ORC6: variants seen among roughly 807,000 people sequenced by gnomAD.
ORC6 encodes the protein origin recognition complex subunit 6, also known as origin recognition complex, subunit 6 homolog-like (yeast).
A neutral mutation model predicts 30.0 loss-of-function variants in ORC6; 31 were observed. The observed-to-expected ratio is 1.03, with a 90% CI of 0.78 to 1.40. The LOEUF (loss-of-function observed/expected upper bound fraction) is 1.40, where lower values mean the gene tolerates loss of function less well. Among genes scored for constraint, ORC6 ranks in the 40% most tolerant of loss-of-function variants. The pLI, the probability that ORC6 is intolerant of heterozygous loss-of-function variation, is 0.00. For missense variants in ORC6, 340 were observed against 304.3 expected (o/e 1.12, Z -0.87); for synonymous variants, 136 against 111.2 (o/e 1.22, Z -1.40).
chr16:46,697,502 G>A lies in ORC6; in HGVS notation c.676G>A (p.Glu226Lys). The change falls in exon 7 of 7, where the codon GAA becomes AAA. Residue 226 changes from glutamate to lysine, a missense_variant. Transcript: ENST00000219097. ...EEMPHKPQKD[E>K]DLTQDYEEWK... is the part of the protein sequence containing the mutation. ...GATGCCACATAAACCACAGAAAGATGAAGATCTGACACAGGATTATGAAGA... is the reference window on the plus strand; with the variant it reads ...GATGCCACATAAACCACAGAAAGATAAAGATCTGACACAGGATTATGAAGA... 2 of 1,613,484 alleles carry A rather than the reference G, an allele frequency of 1.2e-6. No individual in the cohort carries two copies. The highest frequency in any genetic ancestry group is 1.7e-6 in the Non-Finnish European group (2 of 1,179,434).
In ORC6 at chr16:46,689,723, C is replaced by A; in HGVS notation, c.18C>A (p.Ile6=). The change falls in exon 1 of 7, where the codon ATC becomes ATA. Residue 6 remains isoleucine, a synonymous_variant. Coordinates refer to ENST00000219097, the MANE Select transcript of ORC6 (RefSeq NM_014321.4). ...CCGGCGCCATGGGGTCGGAGCTGAT[C>A]GGGCGCCTAGCCCCGCGCCTGGGCC... The part of the protein sequence containing the change: MGSEL[I]GRLAPRLGLA... 1 of 1,602,218 alleles carries A rather than the reference C, an allele frequency of 6.2e-7. No individual in the cohort carries two copies. The highest frequency in any genetic ancestry group is 8.5e-7 in the Non-Finnish European group (1 of 1,174,674).
intron 6 of ORC6, among the ~76,000 whole-genome samples, chr16:46,697,003 C>T (rs998859988): frequency 1.3e-5 from 2 of 152,222 alleles, no homozygotes; most frequent in Non-Finnish European, 2.9e-5. Flanking sequence ...GCCTCAATTT[C>T]CTGACCTATA....
At chr16:46,691,983 C>CTCTCTCT (rs1357880671) in intron 2 of ORC6, among the ~76,000 whole-genome samples, 8 of 148,800 alleles carry the variant, frequency 5.4e-5, no homozygotes, top group Middle Eastern at 3.4e-3. Flanking sequence ...CTCTCTCTCA[C>CTCTCTCT]CACCCCGCCC....
Position 46,695,602 on chromosome 16 carries a change from A to G in ORC6, c.490A>G (p.Thr164Ala), listed in dbSNP as rs781065154. Residue 164 changes from threonine to alanine, a missense_variant, in exon 5 of 7, where the codon ACA becomes GCA. By Grantham distance (58) the Thr-to-Ala change is moderately conservative (BLOSUM62 0). Coordinates refer to ENST00000219097, the MANE Select transcript of ORC6 (RefSeq NM_014321.4). The stretch of plus-strand genomic sequence containing the variant: ...AGTGGATAAAAACAAAATGGTAGCC[A>G]CATCCGGTGTAAAAAAAGCTATATT... The part of the protein sequence containing the change: ...LKVDKNKMVA[T>A]SGVKKAIFDR... 1.2e-6 allele frequency: 2 copies of G among 1,613,892 alleles called. No homozygotes were observed. The highest frequency in any genetic ancestry group is 1.1e-5 in the South Asian group (1 of 91,084).
intron 4 of ORC6, chr16:46,693,735 G>A (rs142960836): frequency 1.9e-5 from 3 of 157,758 alleles, no homozygotes; most frequent in African/African-American, 7.3e-5. Context: ...CTGGAGCCTA[G>A]GAGTTCTTGG....
chr16:46,695,235 A>G (rs1408330538), intron 4 of ORC6: 24 of 293,344 alleles, frequency 8.2e-5, no homozygotes, highest in Non-Finnish European at 1.3e-4. Flanking sequence ...TGTGAGTTAA[A>G]ATGAGTGGAA....
chr16:46,698,212 G>GATAA lies in ORC6; in HGVS notation c.*629_*632dup, dbSNP rs1241250604. On this transcript the variant is annotated 3_prime_UTR_variant, in exon 7 of 7. Transcript: ENST00000219097. ...AGATAGATAGATAGATAGATAGATA[G>GATAA]ATAAACGGAATTGGAGCCATTTTGC... The GATAA allele has an allele frequency of 2.0e-5, 9 of 454,434 alleles. No homozygotes were observed. The highest frequency in any genetic ancestry group is 1.8e-4 in the African/African-American group (9 of 50,028). The allele number at this position is 454,434 out of a possible 1,614,324, so 28.2% of individuals were successfully genotyped here.
intron 1 of ORC6, among the ~76,000 whole-genome samples, chr16:46,690,559 C>T (rs1596732602): frequency 6.6e-6 from 1 of 152,192 alleles, no homozygotes; most frequent in Non-Finnish European, 1.5e-5. Context: ...TTGGGTCCCA[C>T]CTCAAGCCTG....
At chr16:46,695,769 C>T in intron 5 of ORC6, 95 bp downstream of exon 5, 1 of 854,888 alleles carries the variant, frequency 1.2e-6, no homozygotes, top group Non-Finnish European at 2.0e-6. Flanking sequence ...CTGGCTGCTT[C>T]CTAAATTCCG....
At position 46,696,278 on chromosome 16, in the gene ORC6, T is replaced by C. The variant is rs1214176427; in HGVS notation, c.631+193T>C. 3 of 619,712 alleles carry C rather than the reference T, an allele frequency of 4.8e-6. No individual in the cohort carries two copies. In the East Asian group the frequency reaches 8.7e-5, roughly 18 times the overall value. 38.4% of individuals were successfully genotyped at this position (619,712 alleles called of 1,614,324 possible). ...TGGGTAATTAAGAATATGGCTGGTC[T>C]GGCACAGTGGCTTATTCCTGTAATC... On this transcript the variant is annotated intron_variant, in intron 6 of 6. Transcript: ENST00000219097.
At chr16:46,697,127 C>T (rs909403061) in intron 6 of ORC6, among the ~76,000 whole-genome samples, 1 of 152,008 alleles carries the variant, frequency 6.6e-6, no homozygotes, top group Non-Finnish European at 1.5e-5. Flanking sequence ...GCTTGATAGA[C>T]GTTAGCTATT....
At chr16:46,697,072 C>G (rs1966525340) in intron 6 of ORC6, among the ~76,000 whole-genome samples, 2 of 152,090 alleles carry the variant, frequency 1.3e-5, no homozygotes, top group African/African-American at 2.4e-5. Flanking sequence ...TGAAATAATG[C>G]TATTTAAAGT....
rs1267794089 is a variant in ORC6, at chr16:46,697,708, A to G, written c.*123A>G. 1 of 1,113,416 alleles carries G rather than the reference A, an allele frequency of 9.0e-7. No individual in the cohort carries two copies. The highest frequency in any genetic ancestry group is 1.4e-6 in the Non-Finnish European group (1 of 740,340). 69.0% of individuals were successfully genotyped at this position (1,113,416 alleles called of 1,614,324 possible). A position where few individuals can be genotyped will look rare whatever the true frequency, so the allele number is the denominator to read the frequency against. On this transcript the variant is annotated 3_prime_UTR_variant, in exon 7 of 7. Coordinates refer to ENST00000219097, the MANE Select transcript of ORC6 (RefSeq NM_014321.4). ...AAGGATCCTAAGACTGTTGCCTTTA[A>G]ATAGCAAAGCAGCCTACCTGGAGGC...
At chr16:46,694,068 A>AAG (rs1241539575) in intron 4 of ORC6, 10 of 43,980 alleles carry the variant, frequency 2.3e-4, no homozygotes, top group African/African-American at 6.2e-4. Flanking sequence ...ACTCTTAACG[A>AAG]GCATGCTGCC....
intron 2 of ORC6, among the ~76,000 whole-genome samples, chr16:46,692,022 T>G (rs1329199461): frequency 6.9e-6 from 1 of 144,076 alleles, no homozygotes; most frequent in Non-Finnish European, 1.5e-5. Flanking sequence ...CTTCTCTCCT[T>G]CCTTTTCCCA....
At position 46,695,542 on chromosome 16, in the gene ORC6, C is replaced by T; in HGVS notation, c.450-20C>T. The T allele has an allele frequency of 2.0e-6, 3 of 1,491,518 alleles. No homozygotes were observed. The highest frequency in any genetic ancestry group is 2.8e-6 in the Non-Finnish European group (3 of 1,068,224). 92.4% of individuals were successfully genotyped at this position (1,491,518 alleles called of 1,614,324 possible). A position where few individuals can be genotyped will look rare whatever the true frequency, so the allele number is the denominator to read the frequency against. On this transcript the variant is annotated intron_variant, in intron 4 of 6. Coordinates refer to ENST00000219097, the MANE Select transcript of ORC6 (RefSeq NM_014321.4). Reference sequence around the variant, plus strand: ...ACTGTACAGGTCTTGAGAAAAGCAACTTATGAAATTGTTTTGTAGGATTCT... The same window carrying T: ...ACTGTACAGGTCTTGAGAAAAGCAATTTATGAAATTGTTTTGTAGGATTCT...
At position 46,689,733 on chromosome 16, in the gene ORC6, G is replaced by C; in HGVS notation, c.28G>C (p.Ala10Pro). ...GGGGTCGGAGCTGATCGGGCGCCTA[G>C]CCCCGCGCCTGGGCCTCGCCGAGCC... is the stretch of plus-strand genomic sequence containing the variant. Reference protein sequence around the residue: MGSELIGRLAPRLGLAEPDM... With the variant: MGSELIGRLPPRLGLAEPDM... The change falls in exon 1 of 7, where the codon GCC (alanine) becomes CCC (proline). Residue 10 changes from alanine to proline, a missense_variant. By Grantham distance (27) the Ala-to-Pro change is conservative (BLOSUM62 -1). Coordinates refer to ENST00000219097, the MANE Select transcript of ORC6 (RefSeq NM_014321.4). 6.2e-7 allele frequency: 1 copy of C among 1,602,434 alleles called. No individual in the cohort carries two copies. Among genetic ancestry groups the C allele is most frequent in the Non-Finnish European group, 8.5e-7 (1 of 1,174,890 alleles).
intron 4 of ORC6, 79 bp from the exon 5 acceptor site, chr16:46,695,483 A>C: frequency 2.3e-6 from 2 of 872,128 alleles, no homozygotes; most frequent in Non-Finnish European, 3.9e-6. Context: ...TCAAAAAGAA[A>C]ATAAGTTGAT....
intron 2 of ORC6, among the ~76,000 whole-genome samples, chr16:46,691,958 A>ACACCCTCTCTCTCTCTCTCTCT: frequency 2.7e-5 from 1 of 36,664 alleles, no homozygotes; most frequent in Non-Finnish European, 5.1e-5. Flanking sequence ...ACACACACAC[A>ACACCCTCTCTCTCTCTCTCTCT]CTCTCTCTCT....
Sources: gnomAD v4.1 joint callset for allele counts (sites outside exome capture counted in the v4.1 genomes callset) on GRCh38, gnomAD v4.1.1 for gene constraint, MANE v1.5 for transcripts, NCBI Gene and HGNC (gene_info 2026-07-23, HGNC 2026-07-21) for gene names.